The following ZNF729 variants were observed in gnomAD, a reference collection of about 807,000 sequenced individuals.
The protein encoded by ZNF729 is zinc finger protein 729.
A neutral mutation model predicts 12.2 loss-of-function variants in ZNF729; 15 were observed. The ratio of observed to expected loss-of-function variants is 1.23; its 90% CI spans 0.82 to 1.89. The LOEUF (loss-of-function observed/expected upper bound fraction) is 1.89. Ranked by LOEUF, ZNF729 falls within the 40% of genes most tolerant of loss-of-function variation. The probability of loss-of-function intolerance (pLI) is 0.00; values close to 1 mark genes in which losing one functional copy is unlikely to be tolerated. For missense variants in ZNF729, 1,540 were observed against 1,456.7 expected (o/e 1.06, Z -0.93); for synonymous variants, 492 against 476.3 (o/e 1.03, Z -0.43).
At position 22,313,996 on chromosome 19, in the gene ZNF729, A is replaced by C; in HGVS notation, c.579A>C (p.Ser193=). 3 of 1,540,338 alleles carry C rather than the reference A, an allele frequency of 1.9e-6. No homozygotes were observed. In the South Asian group the frequency reaches 3.6e-5, roughly 19 times the overall value. ...GTAGCAAATCATTTTTCATGCTTTC[A>C]TGCTTAATTCGACATAAGAGAATTC... ...IKCSKSFFML[S]CLIRHKRIHI... is the part of the protein sequence containing the mutation. Residue 193 remains serine (S), a synonymous_variant, in exon 4 of 4, where the codon TCA becomes TCC. Transcript: ENST00000601693.
At chr19:22,309,674 C>T (rs1968426899) in intron 3 of ZNF729, among the ~76,000 whole-genome samples, 1 of 148,096 alleles carries the variant, frequency 6.8e-6, no homozygotes, top group Admixed American at 6.7e-5. Flanking sequence ...CTTTGTCTTG[C>T]TTTGGCTATG....
chr19:22,295,280 T>C (rs1599753055), intron 1 of ZNF729, among the ~76,000 whole-genome samples: 3 of 152,150 alleles, frequency 2.0e-5, no homozygotes, highest in Admixed American at 2.0e-4. Context: ...TTTGACTTCC[T>C]TTCTTCCTGT....
intron 3 of ZNF729, among the ~76,000 whole-genome samples, chr19:22,308,544 ATTTTT>A (rs973945214): frequency 1.9e-4 from 28 of 148,190 alleles, no homozygotes; most frequent in African/African-American, 6.4e-4. Context: ...TGTTTTTTTG[ATTTTT>A]TTTTTATTAT....
At position 22,286,575 on chromosome 19, in the gene ZNF729, C is replaced by G. The variant is rs757993214; in HGVS notation, c.30+20C>G. 6.2e-7 allele frequency: 1 copy of G among 1,613,848 alleles called. No homozygotes were observed. Among genetic ancestry groups the G allele is most frequent in the Non-Finnish European group, 8.5e-7 (1 of 1,180,002 alleles). On this transcript the variant is annotated intron_variant, in intron 1 of 3. Transcript: ENST00000601693. ...GAAATGGTGAGAGTGCCGGGTCCGA[C>G]ATCCCGAGAAGGGGAAGGGGCTGAT...
chr19:22,288,366 G>A (rs2145038003), intron 1 of ZNF729, among the ~76,000 whole-genome samples: 1 of 150,866 alleles, frequency 6.6e-6, no homozygotes, highest in Non-Finnish European at 1.5e-5. Context: ...ATGTTTCGGG[G>A]GTAAATGTTT....
intron 1 of ZNF729, among the ~76,000 whole-genome samples, chr19:22,296,089 A>AT (rs999255276): frequency 1.3e-5 from 2 of 151,868 alleles, no homozygotes; most frequent in Admixed American, 1.3e-4. Context: ...GAAGTTTTCT[A>AT]TTTTTTGTTT....
At chr19:22,292,911 G>T (rs896772180) in intron 1 of ZNF729, among the ~76,000 whole-genome samples, 25 of 152,082 alleles carry the variant, frequency 1.6e-4, no homozygotes, top group African/African-American at 5.8e-4. Context: ...GGGTCAAATG[G>T]TAATTCTCTT....
intron 1 of ZNF729, among the ~76,000 whole-genome samples, chr19:22,294,657 CTTTTTTTTT>C (rs71180535): frequency 4.3e-5 from 4 of 92,442 alleles, no homozygotes; most frequent in Admixed American, 3.3e-4. Flanking sequence ...TTTTCTTTTT[CTTTTTTTTT>C]TTTTTTTTGA....
intron 1 of ZNF729, among the ~76,000 whole-genome samples, chr19:22,294,671 T>C (rs1968202449): frequency 6.8e-6 from 1 of 147,632 alleles, no homozygotes; most frequent in Non-Finnish European, 1.5e-5. Context: ...TTTTTTTTTT[T>C]TTTGAGTCCG....
intron 3 of ZNF729, among the ~76,000 whole-genome samples, chr19:22,304,984 TTTGG>T (rs1189358457): frequency 3.9e-5 from 6 of 152,324 alleles, no homozygotes; most frequent in Admixed American, 3.9e-4. Context: ...CTGTTTTCAT[TTTGG>T]TGATCTCCCT....
Position 22,316,761 on chromosome 19 carries a change from A to T in ZNF729, c.3344A>T (p.Asn1115Ile), listed in dbSNP as rs778520815. Reference protein sequence around the residue: ...QCDECGKAFNNSSTLTKHKII... With the variant: ...QCDECGKAFNISSTLTKHKII... Reference sequence around the variant, plus strand: ...GACGAATGTGGCAAAGCTTTTAACAATTCCTCAACCCTTACGAAACATAAG... The same window carrying T: ...GACGAATGTGGCAAAGCTTTTAACATTTCCTCAACCCTTACGAAACATAAG... Residue 1115 changes from asparagine to isoleucine, a missense_variant, in exon 4 of 4, where the codon AAT becomes ATT. Asn to Ile is a moderately radical substitution (Grantham distance 149). Transcript: ENST00000601693. 6.2e-7 allele frequency: 1 copy of T among 1,613,014 alleles called. No homozygotes were observed. The highest frequency in any genetic ancestry group is 1.7e-5 in the Admixed American group (1 of 59,954).
intron 1 of ZNF729, among the ~76,000 whole-genome samples, chr19:22,293,051 C>T (rs1392534789): frequency 6.6e-6 from 1 of 152,086 alleles, no homozygotes; most frequent in Non-Finnish European, 1.5e-5. Flanking sequence ...TAATAACAGC[C>T]ATTTTGACTG....
Position 22,288,109 on chromosome 19 carries a change from G to A in ZNF729, c.30+1554G>A, listed in dbSNP as rs377295155. Among the ~76,000 whole-genome samples, 32 of 152,182 alleles carry A rather than the reference G, an allele frequency of 2.1e-4. No individual in the cohort carries two copies. The East Asian group carries it at 6.0e-3, about 29-fold the overall frequency. The stretch of plus-strand genomic sequence containing the variant: ...TCTGCTCGCCTCAGCTTCCCAAAGT[G>A]CTGGGATTACAGGCGTGAGTCACCG... On this transcript the variant is annotated intron_variant, in intron 1 of 3. Coordinates refer to ENST00000601693, the MANE Select transcript of ZNF729 (RefSeq NM_001242680.2).
chr19:22,315,314 T>G lies in ZNF729; in HGVS notation c.1897T>G (p.Cys633Gly), dbSNP rs774641301. ...TGKKPYKCEE[C>G]GKAFRQSSHL... ...GAAGAAACCGTACAAATGTGAAGAA[T>G]GTGGCAAAGCTTTTAGGCAATCCTC... Residue 633 changes from cysteine (C) to glycine (G), a missense_variant, in exon 4 of 4, where the codon TGT becomes GGT. Coordinates refer to ENST00000601693, the MANE Select transcript of ZNF729 (RefSeq NM_001242680.2). The G allele has an allele frequency of 1.2e-6, 2 of 1,613,498 alleles. No homozygotes were observed. The highest frequency in any genetic ancestry group is 1.1e-5 in the South Asian group (1 of 91,060).
intron 1 of ZNF729, among the ~76,000 whole-genome samples, chr19:22,295,038 T>TG (rs1568571621): frequency 0.047 from 6,813 of 144,096 alleles, 236 homozygotes; most frequent in East Asian, 0.12. Context: ...TCCTAGATAT[T>TG]TGTGTGTGTG....
chr19:22,310,544 A>G (rs902056712), intron 3 of ZNF729, among the ~76,000 whole-genome samples: 1 of 152,168 alleles, frequency 6.6e-6, no homozygotes, highest in Admixed American at 6.6e-5. Flanking sequence ...CATCACTGGT[A>G]TGAAACCTAT....
Position 22,316,146 on chromosome 19 carries a change from G to T in ZNF729, c.2729G>T (p.Cys910Phe). ...VIHTAEKPCK[C>F]EECGKAFKHF... ...CATACTGCAGAGAAACCCTGTAAATGTGAAGAATGTGGCAAAGCTTTTAAG... is the reference window on the plus strand; with the variant it reads ...CATACTGCAGAGAAACCCTGTAAATTTGAAGAATGTGGCAAAGCTTTTAAG... Residue 910 changes from cysteine (C) to phenylalanine (F), a missense_variant, in exon 4 of 4, where the codon TGT becomes TTT. Transcript: ENST00000601693. 1.9e-6 allele frequency: 3 copies of T among 1,578,062 alleles called. No homozygotes were observed. The highest frequency in any genetic ancestry group is 2.6e-6 in the Non-Finnish European group (3 of 1,153,172).
rs1968479966 is a variant in ZNF729 at position 22,313,740 on chromosome 19, T to C, written c.323T>C (p.Ile108Thr). 1.3e-6 allele frequency: 2 copies of C among 1,583,962 alleles called. No individual in the cohort carries two copies. The highest frequency in any genetic ancestry group is 2.2e-5 in the East Asian group (1 of 44,554). ...ACAAAAGATTCTTTCCAAGAAGTAA[T>C]ACTGAGAACATATGCAAGATGTGGA... The part of the protein sequence containing the change: ...QSTKDSFQEV[I>T]LRTYARCGHK... Residue 108 changes from isoleucine (I) to threonine (T), a missense_variant, in exon 4 of 4, where the codon ATA becomes ACA. Transcript: ENST00000601693.
At chr19:22,292,052 T>A (rs536330250) in intron 1 of ZNF729, among the ~76,000 whole-genome samples, 1 of 152,068 alleles carries the variant, frequency 6.6e-6, no homozygotes, top group African/African-American at 2.4e-5. Flanking sequence ...TTGTTTTAAC[T>A]TTTATTTTTG....
Sources: allele counts gnomAD v4.1 joint callset (sites outside exome capture counted in the v4.1 genomes callset), GRCh38; gene constraint gnomAD v4.1.1; transcripts MANE v1.5; gene names NCBI Gene and HGNC (gene_info 2026-07-23, HGNC 2026-07-21).